MYO16: variants seen among roughly 807,000 people sequenced by gnomAD.
The protein encoded by MYO16 is unconventional myosin-XVI.
In MYO16, 94 loss-of-function variants were observed where a neutral mutation model predicts 205.3. That is an observed-to-expected ratio of 0.46 (90% confidence interval 0.39 to 0.54). MYO16 has a LOEUF of 0.54. Among genes scored for constraint, MYO16 ranks in the 20% least tolerant of loss-of-function variants. The pLI is 0.00. For synonymous variants in MYO16, 988 were observed against 954.0 expected (o/e 1.04, Z -0.66); for missense variants, 2,315 against 2,387.5 (o/e 0.97, Z 0.63).
At chr13:109,124,911 T>C (rs1029567749) in intron 29 of MYO16, among the ~76,000 whole-genome samples, 12 of 152,208 alleles carry the variant, frequency 7.9e-5, no homozygotes, top group Non-Finnish European at 1.6e-4. Flanking sequence ...TTATCATCAA[T>C]ATATTGCCTG....
intron 1 of MYO16, among the ~76,000 whole-genome samples, chr13:108,615,145 G>A (rs1016556475): frequency 3.3e-5 from 5 of 151,986 alleles, no homozygotes; most frequent in African/African-American, 1.2e-4. Context: ...GGTAAAGGAC[G>A]TGAATCATAT....
the MYO16 span, among the ~76,000 whole-genome samples, chr13:108,519,359 C>T: frequency 6.6e-6 from 1 of 152,150 alleles, no homozygotes; most frequent in Non-Finnish European, 1.5e-5. Flanking sequence ...CATGGTGGAA[C>T]TCAAAGTTCC....
At chr13:108,630,077 T>C (rs1879907124) in intron 1 of MYO16, among the ~76,000 whole-genome samples, 1 of 151,158 alleles carries the variant, frequency 6.6e-6, no homozygotes, top group Non-Finnish European at 1.5e-5. Flanking sequence ...ATCCAAATGC[T>C]AATAGCACAG....
At chr13:109,013,998 T>C (rs1392712097) in intron 22 of MYO16, among the ~76,000 whole-genome samples, 1 of 152,228 alleles carries the variant, frequency 6.6e-6, no homozygotes, top group Non-Finnish European at 1.5e-5. Context: ...ATTTTGGCTT[T>C]TGTTGCCATT....
At chr13:109,092,543 A>T (rs1053928955) in intron 27 of MYO16, among the ~76,000 whole-genome samples, 2 of 152,198 alleles carry the variant, frequency 1.3e-5, no homozygotes, top group African/African-American at 4.8e-5. Context: ...GAACTCATGA[A>T]CACAGAGAAG....
chr13:108,972,926 CAG>C (rs1884110316), intron 20 of MYO16, among the ~76,000 whole-genome samples: 1 of 151,302 alleles, frequency 6.6e-6, no homozygotes, highest in Non-Finnish European at 1.5e-5. Flanking sequence ...TGCCAGTGGA[CAG>C]GGGCTCACGC....
intron 27 of MYO16, among the ~76,000 whole-genome samples, chr13:109,100,089 C>T (rs762972427): frequency 1.3e-5 from 2 of 152,152 alleles, no homozygotes; most frequent in Non-Finnish European, 2.9e-5. Flanking sequence ...TGCAACCTTG[C>T]CTGTATCTCA....
chr13:108,759,366 T>G (rs1594271274), intron 4 of MYO16, among the ~76,000 whole-genome samples: 1 of 152,330 alleles, frequency 6.6e-6, no homozygotes, highest in East Asian at 1.9e-4. Flanking sequence ...ATTCCTGTAC[T>G]TTTGGTATTT....
chr13:108,521,375 T>C, the MYO16 span, among the ~76,000 whole-genome samples: 1 of 152,226 alleles, frequency 6.6e-6, no homozygotes, highest in Non-Finnish European at 1.5e-5. Flanking sequence ...TATGGTTTAT[T>C]AAATATTATT....
chr13:109,103,157 TAAATA>T, intron 28 of MYO16, among the ~76,000 whole-genome samples: 1 of 152,222 alleles, frequency 6.6e-6, no homozygotes, highest in Non-Finnish European at 1.5e-5. Context: ...AAAAAATAAA[TAAATA>T]AAACAAAAAA....
intron 15 of MYO16, among the ~76,000 whole-genome samples, chr13:108,900,176 T>C (rs1235247727): frequency 6.6e-6 from 1 of 152,224 alleles, no homozygotes; most frequent in Non-Finnish European, 1.5e-5. Flanking sequence ...AGAGGGTCCT[T>C]TTCTTTAGGA....
chr13:109,199,645 C>G (rs916866914), intron 34 of MYO16, among the ~76,000 whole-genome samples: 1 of 152,148 alleles, frequency 6.6e-6, no homozygotes, highest in Non-Finnish European at 1.5e-5. Context: ...ATAAATTATA[C>G]TCAGTGTGAA....
chr13:109,139,865 G>A (rs549104132), intron 31 of MYO16, among the ~76,000 whole-genome samples: 4 of 151,870 alleles, frequency 2.6e-5, no homozygotes, highest in Non-Finnish European at 5.9e-5. Context: ...CCGGGTGGTG[G>A]CACCAAGGTC....
At chr13:108,688,497 C>G (rs1882768504) in intron 2 of MYO16, among the ~76,000 whole-genome samples, 1 of 152,142 alleles carries the variant, frequency 6.6e-6, no homozygotes, top group African/African-American at 2.4e-5. Context: ...CCACCCTATT[C>G]TCCAGGTTCT....
intron 28 of MYO16, chr13:109,101,957 G>A (rs970323976): frequency 6.6e-6 from 1 of 152,146 alleles, no homozygotes; most frequent in Non-Finnish European, 1.5e-5. Context: ...AAGTAAAACA[G>A]GGAGGGAAGA....
At chr13:108,696,624 A>G (rs1021097363) in intron 2 of MYO16, among the ~76,000 whole-genome samples, 1 of 152,176 alleles carries the variant, frequency 6.6e-6, no homozygotes, top group Non-Finnish European at 1.5e-5. Context: ...ACTTCCTGGG[A>G]TGATGGAGAT....
At chr13:108,935,106 T>C (rs1360324169) in intron 16 of MYO16, among the ~76,000 whole-genome samples, 5 of 152,184 alleles carry the variant, frequency 3.3e-5, no homozygotes, top group African/African-American at 7.2e-5. Context: ...CTATTCGTGC[T>C]CTTTTTTTGT....
intron 13 of MYO16, among the ~76,000 whole-genome samples, chr13:108,885,277 G>C (rs1441421606): frequency 1.3e-5 from 2 of 152,174 alleles, no homozygotes; most frequent in Admixed American, 1.3e-4. Context: ...GTGCCACCAC[G>C]CCCGGCTAAT....
At chr13:108,706,838 G>A (rs1486604631) in intron 2 of MYO16, among the ~76,000 whole-genome samples, 1 of 152,194 alleles carries the variant, frequency 6.6e-6, no homozygotes, top group Non-Finnish European at 1.5e-5. Flanking sequence ...TGAAAGCCAT[G>A]GCCAAAGTGA....
Sources: gnomAD v4.1 joint callset for allele counts (sites outside exome capture counted in the v4.1 genomes callset) on GRCh38, gnomAD v4.1.1 for gene constraint, MANE v1.5 for transcripts, NCBI Gene and HGNC (gene_info 2026-07-23, HGNC 2026-07-21) for gene names.